Variants in PYHIN1 observed in about 807,000 individuals in gnomAD.
PYHIN1 encodes the protein pyrin and HIN domain family member 1, also known as pyrin and HIN domain-containing protein 1.
In PYHIN1, 32 loss-of-function variants were observed where a neutral mutation model predicts 43.7. That is an observed-to-expected ratio of 0.73 (90% CI 0.55 to 0.98). The LOEUF (loss-of-function observed/expected upper bound fraction) is 0.98, where lower values mean the gene tolerates loss of function less well. Among genes scored for constraint, PYHIN1 ranks in the 50% least tolerant of loss-of-function variants. The probability of loss-of-function intolerance (pLI) is 0.00; values close to 1 mark genes in which losing one functional copy is unlikely to be tolerated. For missense variants in PYHIN1, 588 were observed against 589.5 expected (o/e 1.00, Z 0.03); for synonymous variants, 205 against 203.1 (o/e 1.01, Z -0.08).
At chr1:158,971,214 T>A (rs1650913318) in intron 7 of PYHIN1, among the ~76,000 whole-genome samples, 2 of 152,060 alleles carry the variant, frequency 1.3e-5, no homozygotes, top group African/African-American at 2.4e-5. Context: ...TTTCCTTCCA[T>A]CTCCTTAAGG....
chr1:158,968,771 A>C (rs1030904486), intron 7 of PYHIN1, among the ~76,000 whole-genome samples: 1 of 149,276 alleles, frequency 6.7e-6, no homozygotes, highest in Admixed American at 6.6e-5. Flanking sequence ...GCCACAAAAA[A>C]CAATAAGATC....
At chr1:158,963,757 T>A (rs1296321308) in intron 7 of PYHIN1, among the ~76,000 whole-genome samples, 2 of 152,106 alleles carry the variant, frequency 1.3e-5, no homozygotes, top group African/African-American at 4.8e-5. Context: ...TCTAACAACA[T>A]CCAGGAAAGA....
At chr1:158,952,071 C>T (rs12410671) in intron 7 of PYHIN1, among the ~76,000 whole-genome samples, 12,448 of 150,014 alleles carry the variant, frequency 0.083, 645 homozygotes, top group East Asian at 0.13. Context: ...GTGGTGGCTG[C>T]GTTGCGCTTG....
At chr1:158,951,720 G>A (rs1253053595) in intron 7 of PYHIN1, among the ~76,000 whole-genome samples, 1 of 152,112 alleles carries the variant, frequency 6.6e-6, no homozygotes, top group Admixed American at 6.5e-5. Flanking sequence ...TATTAAGAGA[G>A]TATCATCCAT....
chr1:158,984,602 T>G, the PYHIN1 span, among the ~76,000 whole-genome samples: 2 of 152,196 alleles, frequency 1.3e-5, no homozygotes, highest in Non-Finnish European at 2.9e-5. Flanking sequence ...ATGTGCCATG[T>G]GCAGATGAGA....
At chr1:158,932,231 C>T (rs1337344060) in intron 1 of PYHIN1, among the ~76,000 whole-genome samples, 1 of 152,090 alleles carries the variant, frequency 6.6e-6, no homozygotes, top group Non-Finnish European at 1.5e-5. Flanking sequence ...TGCATGTTCT[C>T]ACTTATAAGT....
the PYHIN1 span, among the ~76,000 whole-genome samples, chr1:158,987,862 A>G: frequency 6.6e-6 from 1 of 152,206 alleles, no homozygotes; most frequent in Admixed American, 6.5e-5. Context: ...TGGCAAAGCT[A>G]ATTCAGATAA....
intron 7 of PYHIN1, among the ~76,000 whole-genome samples, chr1:158,966,723 G>T (rs1378919779): frequency 6.6e-6 from 1 of 151,848 alleles, no homozygotes; most frequent in Non-Finnish European, 1.5e-5. Flanking sequence ...AAAATAATAA[G>T]AACCATTTCC....
At position 158,943,888 on chromosome 1, in the gene PYHIN1, A is replaced by G; in HGVS notation, c.1101A>G (p.Glu367=). 6.2e-7 allele frequency: 1 copy of G among 1,610,482 alleles called. No individual in the cohort carries two copies. The highest frequency in any genetic ancestry group is 1.1e-5 in the South Asian group (1 of 90,754). Residue 367 remains glutamate (E), a synonymous_variant, in exon 6 of 9, where the codon GAA becomes GAG. Transcript: ENST00000368140. ...GAGAATGCCACAATATCCCCTGTGA[A>G]AAAGGAGATAAGCTTCGACTCTTCT... is the stretch of plus-strand genomic sequence containing the variant. ...GKGECHNIPC[E]KGDKLRLFCF... is the part of the protein sequence containing the mutation.
Position 158,976,687 on chromosome 1 carries a change from CTT to C in PYHIN1, c.*6-12_*6-11del. ...CATCTCAACGGGTTTATTTTTATCT[CTT>C]TATGCTTCAAGGTCACCAAGGACAA... On this transcript the variant is annotated splice_polypyrimidine_tract_variant and intron_variant, in intron 8 of 8. Transcript: ENST00000368140. 2 of 1,584,096 alleles carry C rather than the reference CTT, an allele frequency of 1.3e-6. No individual in the cohort carries two copies. The highest frequency in any genetic ancestry group is 1.7e-6 in the Non-Finnish European group (2 of 1,163,172).
At chr1:158,973,409 T>C (rs1651047951) in intron 7 of PYHIN1, among the ~76,000 whole-genome samples, 1 of 151,800 alleles carries the variant, frequency 6.6e-6, no homozygotes, top group Non-Finnish European at 1.5e-5. Context: ...TACTATATGC[T>C]AGTTTCTGTG....
At chr1:158,990,655 C>T in the PYHIN1 span, among the ~76,000 whole-genome samples, 1 of 152,164 alleles carries the variant, frequency 6.6e-6, no homozygotes, top group Admixed American at 6.5e-5. Context: ...TTTTGACCAA[C>T]ATTTTCCCAT....
intron 7 of PYHIN1, among the ~76,000 whole-genome samples, chr1:158,965,550 A>G (rs563617100): frequency 6.6e-6 from 1 of 152,304 alleles, no homozygotes; most frequent in South Asian, 2.1e-4. Flanking sequence ...CCACCTTCTC[A>G]GAACACAGTG....
chr1:158,950,598 A>AG (rs2101678193), intron 7 of PYHIN1, among the ~76,000 whole-genome samples: 1 of 152,296 alleles, frequency 6.6e-6, no homozygotes, highest in African/African-American at 2.4e-5. Context: ...CATAAAACTG[A>AG]AGGTTTTATG....
chr1:158,964,756 A>G (rs1466328118), intron 7 of PYHIN1, among the ~76,000 whole-genome samples: 2 of 152,242 alleles, frequency 1.3e-5, no homozygotes, highest in Admixed American at 1.3e-4. Flanking sequence ...ATGAAAAGGA[A>G]AGAACATTAC....
chr1:158,942,272 C>G lies in PYHIN1; in HGVS notation c.875C>G (p.Ala292Gly). The G allele has an allele frequency of 1.2e-6, 2 of 1,614,080 alleles. No homozygotes were observed. Among genetic ancestry groups the G allele is most frequent in the African/African-American group, 2.7e-5 (2 of 75,058 alleles). Residue 292 changes from alanine (A) to glycine (G), a missense_variant, in exon 5 of 9, where the codon GCT becomes GGT. By Grantham distance (60) the Ala-to-Gly change is moderately conservative (BLOSUM62 0). Transcript: ENST00000368140. ...EVNEASSVSE[A>G]GPDQTFEVPK... Reference sequence around the variant, plus strand: ...AATGAAGCCTCTTCTGTATCTGAAGCTGGTCCTGACCAAACGTTTGAGGTT... The same window carrying G: ...AATGAAGCCTCTTCTGTATCTGAAGGTGGTCCTGACCAAACGTTTGAGGTT...
At chr1:158,974,419 T>C (rs1253265455) in intron 8 of PYHIN1, among the ~76,000 whole-genome samples, 1 of 152,116 alleles carries the variant, frequency 6.6e-6, no homozygotes, top group Non-Finnish European at 1.5e-5. Context: ...GTACAGTTTA[T>C]AGATTTCTTG....
chr1:158,986,393 A>G, the PYHIN1 span, among the ~76,000 whole-genome samples: 6 of 152,176 alleles, frequency 3.9e-5, no homozygotes, highest in Admixed American at 1.3e-4. Flanking sequence ...CAGCACTGTT[A>G]GGCTGTGTGC....
At chr1:158,954,842 G>A (rs1428504103) in intron 7 of PYHIN1, among the ~76,000 whole-genome samples, 1 of 150,858 alleles carries the variant, frequency 6.6e-6, no homozygotes, top group African/African-American at 2.4e-5. Context: ...TCAGTGTGCT[G>A]TATTCAGGAA....
Sources: allele counts gnomAD v4.1 joint callset (sites outside exome capture counted in the v4.1 genomes callset), GRCh38; gene constraint gnomAD v4.1.1; transcripts MANE v1.5; gene names NCBI Gene and HGNC (gene_info 2026-07-23, HGNC 2026-07-21).